The following LARGE1 variants were observed in gnomAD, a reference collection of about 807,000 sequenced individuals.
LARGE1 encodes the protein xylosyl- and glucuronyltransferase LARGE1.
In LARGE1, 43 loss-of-function variants were observed where a neutral mutation model predicts 87.6. The observed-to-expected ratio is 0.49, with a 90% CI of 0.38 to 0.63. The LOEUF (loss-of-function observed/expected upper bound fraction) is 0.63. LARGE1 is among the 30% of genes least tolerant of loss of function. The probability of loss-of-function intolerance (pLI) is 0.00; values close to 1 mark genes in which losing one functional copy is unlikely to be tolerated. For missense variants in LARGE1, 802 were observed against 1,000.2 expected (o/e 0.80, Z 2.67); for synonymous variants, 434 against 394.6 (o/e 1.10, Z -1.18).
chr22:33,557,012 C>T (rs2077710809), intron 6 of LARGE1, among the ~76,000 whole-genome samples: 1 of 152,026 alleles, frequency 6.6e-6, no homozygotes, highest in Admixed American at 6.6e-5. Context: ...CACGAACAAA[C>T]AAACAACCCT....
chr22:33,546,359 C>A (rs1304867729), intron 6 of LARGE1, among the ~76,000 whole-genome samples: 1 of 152,160 alleles, frequency 6.6e-6, no homozygotes, highest in African/African-American at 2.4e-5. Context: ...TTCCCCTTTT[C>A]CCAGGTGGAG....
chr22:33,870,661 C>T (rs760367913), intron 1 of LARGE1, among the ~76,000 whole-genome samples: 1 of 152,094 alleles, frequency 6.6e-6, no homozygotes, highest in Admixed American at 6.6e-5. Flanking sequence ...CTCTGCCTCC[C>T]GGGTTCCAGC....
At chr22:33,830,114 G>A (rs2062922815) in intron 1 of LARGE1, among the ~76,000 whole-genome samples, 1 of 152,122 alleles carries the variant, frequency 6.6e-6, no homozygotes, top group Admixed American at 6.5e-5. Flanking sequence ...TGCCAACCAT[G>A]CTCTCTGCTC....
At chr22:33,454,870 G>A (rs117658927) in intron 6 of LARGE1, among the ~76,000 whole-genome samples, 259 of 152,214 alleles carry the variant, frequency 1.7e-3, no homozygotes, top group Non-Finnish European at 2.8e-3. Context: ...GAAACGGATG[G>A]TGCTAAACCA....
intron 2 of LARGE1, among the ~76,000 whole-genome samples, chr22:33,723,006 G>C (rs1194443930): frequency 6.6e-6 from 1 of 152,068 alleles, no homozygotes; most frequent in Non-Finnish European, 1.5e-5. Context: ...TTACTCACTT[G>C]CTTTCTAGGC....
At position 33,381,661 on chromosome 22, in the gene LARGE1, G is replaced by C. The variant is rs11912366; in HGVS notation, c.1131+258C>G. Among the ~76,000 whole-genome samples, 14,145 of 152,154 alleles carry C rather than the reference G, an allele frequency of 0.093. 1,074 individuals carry two copies. Among genetic ancestry groups the C allele is most frequent in the African/African-American group, 0.21 (8,829 of 41,482 alleles). ...TTTGGGGAGCTGGCATGAACCAAAA[G>C]AGCCAGCAGCAGATGGCAAGAATAA... On this transcript the variant is annotated intron_variant, in intron 9 of 14. Coordinates refer to ENST00000397394, the MANE Select transcript of LARGE1 (RefSeq NM_133642.5).
chr22:33,511,985 C>A (rs1462623437), intron 6 of LARGE1, among the ~76,000 whole-genome samples: 1 of 152,090 alleles, frequency 6.6e-6, no homozygotes, highest in Admixed American at 6.6e-5. Context: ...TGTAGGTTGA[C>A]CATACAGTTG....
At chr22:33,569,788 T>A (rs1438095897) in intron 5 of LARGE1, among the ~76,000 whole-genome samples, 1 of 152,202 alleles carries the variant, frequency 6.6e-6, no homozygotes, top group Non-Finnish European at 1.5e-5. Context: ...CAGCACAGCA[T>A]GTTATCCTGC....
chr22:33,872,378 T>C (rs1238652825), intron 1 of LARGE1, among the ~76,000 whole-genome samples: 2 of 148,764 alleles, frequency 1.3e-5, no homozygotes, highest in Admixed American at 1.4e-4. Context: ...TTATTATTAT[T>C]ATTATTATTA....
In LARGE1 at chr22:33,728,183, C is replaced by T. The variant is rs964110236; in HGVS notation, c.106+33188G>A. Reference sequence around the variant, plus strand: ...TGTAGTATCCCGTATTCATCATCTACACCTATACACATATGCAGGCTATTC... The same window carrying T: ...TGTAGTATCCCGTATTCATCATCTATACCTATACACATATGCAGGCTATTC... On this transcript the variant is annotated intron_variant, in intron 2 of 14. Coordinates refer to ENST00000397394, the MANE Select transcript of LARGE1 (RefSeq NM_133642.5). 2.0e-5 allele frequency among the ~76,000 whole-genome samples: 3 copies of T among 152,132 alleles called. No homozygotes were observed. In the South Asian group the frequency reaches 6.2e-4, roughly 32 times the overall value.
chr22:33,814,401 T>C (rs2086589286), intron 1 of LARGE1, among the ~76,000 whole-genome samples: 1 of 152,214 alleles, frequency 6.6e-6, no homozygotes, highest in African/African-American at 2.4e-5. Flanking sequence ...GTTTTATGTT[T>C]CAACTTGGCT....
At chr22:33,630,947 G>A (rs2080090852) in intron 3 of LARGE1, among the ~76,000 whole-genome samples, 1 of 151,684 alleles carries the variant, frequency 6.6e-6, no homozygotes, top group Admixed American at 6.6e-5. Context: ...CTGCCTCCCG[G>A]GCTCAAGCGA....
chr22:33,573,462 G>T (rs1417172017), intron 5 of LARGE1, among the ~76,000 whole-genome samples: 1 of 152,096 alleles, frequency 6.6e-6, no homozygotes, highest in Non-Finnish European at 1.5e-5. Flanking sequence ...AAAGTCATCT[G>T]CATTTGTGAG....
chr22:33,600,729 G>A (rs1445622214), intron 5 of LARGE1, among the ~76,000 whole-genome samples: 4 of 152,140 alleles, frequency 2.6e-5, no homozygotes, highest in African/African-American at 4.8e-5. Flanking sequence ...GCCAGCGTCC[G>A]CAGAGAGATG....
chr22:33,877,381 A>G (rs1186042898), intron 1 of LARGE1, among the ~76,000 whole-genome samples: 1 of 152,082 alleles, frequency 6.6e-6, no homozygotes, highest in Non-Finnish European at 1.5e-5. Flanking sequence ...TATCCTCCAA[A>G]AAAATTTTTT....
intron 13 of LARGE1, among the ~76,000 whole-genome samples, chr22:33,278,716 C>CTTTTTTTA (rs760136664): frequency 2.0e-5 from 3 of 152,048 alleles, no homozygotes; most frequent in Admixed American, 1.3e-4. Context: ...CTTCACCTCT[C>CTTTTTTTA]TTTTTTTATT....
chr22:33,300,097 C>T (rs1338701305), intron 12 of LARGE1, among the ~76,000 whole-genome samples: 7 of 152,142 alleles, frequency 4.6e-5, no homozygotes, highest in Non-Finnish European at 7.3e-5. Flanking sequence ...GGGTACAAGC[C>T]GAGGGCTGCC....
In LARGE1 at chr22:33,547,556, G is replaced by A. The variant is rs2077396493; in HGVS notation, c.787+17292C>T. ...CACGCCTGTAATCCCAGCACTTTAGGAGGACGAGGCAGGTGGATCATGAGG... is the reference window on the plus strand; with the variant it reads ...CACGCCTGTAATCCCAGCACTTTAGAAGGACGAGGCAGGTGGATCATGAGG... On this transcript the variant is annotated intron_variant, in intron 6 of 14. Coordinates refer to ENST00000397394, the MANE Select transcript of LARGE1 (RefSeq NM_133642.5). Among the ~76,000 whole-genome samples the A allele has an allele frequency of 2.6e-5, 4 of 152,036 alleles. No individual in the cohort carries two copies. The South Asian group carries it at 6.2e-4, about 24-fold the overall frequency.
intron 2 of LARGE1, among the ~76,000 whole-genome samples, chr22:33,679,622 G>A (rs550731222): frequency 6.6e-6 from 1 of 152,174 alleles, no homozygotes; most frequent in Admixed American, 6.5e-5. Context: ...CAGGTGGATT[G>A]CATGAGGTCA....
Sources: gnomAD v4.1 joint callset for allele counts (sites outside exome capture counted in the v4.1 genomes callset) on GRCh38, gnomAD v4.1.1 for gene constraint, MANE v1.5 for transcripts, NCBI Gene and HGNC (gene_info 2026-07-23, HGNC 2026-07-21) for gene names.